Variants in CTNNA3 observed in about 807,000 individuals in gnomAD.
CTNNA3 encodes the protein catenin alpha 3, also known as catenin alpha-3.
Under a neutral mutation model 95.7 loss-of-function variants are expected in CTNNA3, and 76 were observed. The ratio of observed to expected loss-of-function variants is 0.79; its 90% CI spans 0.66 to 0.96. CTNNA3 has a LOEUF of 0.96. Ranked by LOEUF, CTNNA3 falls within the 40% of genes least tolerant of loss-of-function variation. The pLI, the probability that CTNNA3 is intolerant of heterozygous loss-of-function variation, is 0.00. For synonymous variants in CTNNA3, 431 were observed against 374.4 expected (o/e 1.15, Z -1.74); for missense variants, 1,191 against 1,089.8 (o/e 1.09, Z -1.31).
chr10:66,211,706 G>T (rs183111093), intron 13 of CTNNA3, among the ~76,000 whole-genome samples: 3 of 152,266 alleles, frequency 2.0e-5, no homozygotes, highest in African/African-American at 7.2e-5. Flanking sequence ...GCCCAAGAGG[G>T]CAACATGCCC....
chr10:67,179,819 CCTGT>C (rs1276224452), intron 7 of CTNNA3, among the ~76,000 whole-genome samples: 3 of 151,964 alleles, frequency 2.0e-5, no homozygotes, highest in Non-Finnish European at 4.4e-5. Flanking sequence ...AGATCAAGAC[CCTGT>C]CTATCTCCAT....
intron 9 of CTNNA3, among the ~76,000 whole-genome samples, chr10:66,737,600 C>T (rs924780262): frequency 6.6e-5 from 10 of 151,852 alleles, no homozygotes; most frequent in Admixed American, 2.0e-4. Flanking sequence ...TGTGAGACTC[C>T]ATATAAGTGA....
At chr10:66,593,124 C>G (rs1196675037) in intron 10 of CTNNA3, among the ~76,000 whole-genome samples, 1 of 152,004 alleles carries the variant, frequency 6.6e-6, no homozygotes, top group Non-Finnish European at 1.5e-5. Context: ...GGGCTTTGAC[C>G]ATTGCATCAG....
chr10:66,279,206 A>G (rs1208171222), intron 13 of CTNNA3, among the ~76,000 whole-genome samples: 1 of 151,970 alleles, frequency 6.6e-6, no homozygotes, highest in East Asian at 1.9e-4. Flanking sequence ...TTTTCTTTAC[A>G]AGGTCCACAA....
Position 67,654,290 on chromosome 10 carries a change from A to T in CTNNA3, c.-5-6772T>A, listed in dbSNP as rs182387482. ...TAGCAGCCTATTACATAGAATTGTA[A>T]CTTATACACATAGGCATATGGTGTG... On this transcript the variant is annotated intron_variant, in intron 1 of 17. Coordinates refer to ENST00000433211, the MANE Select transcript of CTNNA3 (RefSeq NM_013266.4). Among the ~76,000 whole-genome samples the T allele has an allele frequency of 2.8e-4, 43 of 152,238 alleles. No homozygotes were observed. In the East Asian group the frequency reaches 8.1e-3, roughly 29 times the overall value.
At chr10:66,452,467 A>T (rs7100634) in intron 11 of CTNNA3, among the ~76,000 whole-genome samples, 58,136 of 151,960 alleles carry the variant, frequency 0.38, 11,690 homozygotes, top group African/African-American at 0.5. Context: ...CTGCCCTTGC[A>T]CATTCCTGGG....
intron 11 of CTNNA3, among the ~76,000 whole-genome samples, chr10:66,380,286 T>A (rs1051091212): frequency 5.1e-4 from 78 of 152,028 alleles, no homozygotes; most frequent in Non-Finnish European, 2.2e-4. Flanking sequence ...CAGTTTTCTT[T>A]CAGAGTCACA....
intron 7 of CTNNA3, among the ~76,000 whole-genome samples, chr10:67,159,304 C>A (rs1212159841): frequency 6.6e-6 from 1 of 152,182 alleles, no homozygotes; most frequent in African/African-American, 2.4e-5. Flanking sequence ...GATTTTAAGG[C>A]AGTAGCTTGC....
chr10:66,534,728 T>C (rs1273250948), intron 10 of CTNNA3, among the ~76,000 whole-genome samples: 3 of 150,488 alleles, frequency 2.0e-5, no homozygotes, highest in Non-Finnish European at 4.4e-5. Context: ...TTTAATAAAT[T>C]ATAGTATTTA....
intron 7 of CTNNA3, among the ~76,000 whole-genome samples, chr10:66,793,476 A>G (rs950537545): frequency 2.0e-5 from 3 of 152,044 alleles, no homozygotes; most frequent in African/African-American, 7.2e-5. Flanking sequence ...CTGGCTTCCA[A>G]TATTTTTTTT....
intron 3 of CTNNA3, among the ~76,000 whole-genome samples, chr10:67,583,402 C>T (rs566758809): frequency 6.6e-6 from 1 of 152,212 alleles, no homozygotes; most frequent in Non-Finnish European, 1.5e-5. Context: ...TCTCTTCTGG[C>T]TTGTAGAGTT....
chr10:66,695,561 A>AT (rs1305681096), intron 9 of CTNNA3, among the ~76,000 whole-genome samples: 1 of 152,200 alleles, frequency 6.6e-6, no homozygotes, highest in East Asian at 1.9e-4. Flanking sequence ...ACACATAGAA[A>AT]TAGACACAGC....
chr10:67,430,751 A>G (rs1846082460), intron 5 of CTNNA3, among the ~76,000 whole-genome samples: 1 of 151,176 alleles, frequency 6.6e-6, no homozygotes. Context: ...AGATTAAAAT[A>G]CTGTATATGC....
At chr10:66,166,180 G>T (rs1017641364) in intron 13 of CTNNA3, among the ~76,000 whole-genome samples, 3 of 152,120 alleles carry the variant, frequency 2.0e-5, no homozygotes, top group Admixed American at 1.3e-4. Flanking sequence ...CAGAGGCCAA[G>T]TGTGATAGCT....
chr10:66,465,394 C>T (rs1175144784), intron 11 of CTNNA3, among the ~76,000 whole-genome samples: 1 of 152,118 alleles, frequency 6.6e-6, no homozygotes, highest in Non-Finnish European at 1.5e-5. Flanking sequence ...TGACAAAATA[C>T]ATTAGGTCTA....
chr10:66,835,867 C>A (rs746364885), intron 7 of CTNNA3, among the ~76,000 whole-genome samples: 2 of 152,008 alleles, frequency 1.3e-5, no homozygotes, highest in Non-Finnish European at 2.9e-5. Flanking sequence ...TGAGACCCAC[C>A]CCAAGAGGGT....
chr10:65,954,138 G>A (rs754691360), intron 17 of CTNNA3, among the ~76,000 whole-genome samples: 11 of 152,186 alleles, frequency 7.2e-5, no homozygotes, highest in South Asian at 2.1e-4. Context: ...GATCGTCAGT[G>A]ATGATGAATA....
intron 9 of CTNNA3, among the ~76,000 whole-genome samples, chr10:66,751,266 G>GA (rs200982186): frequency 4.0e-5 from 6 of 149,876 alleles, no homozygotes; most frequent in South Asian, 2.1e-4. Flanking sequence ...AGACTATCTT[G>GA]AAAAAAAAAA....
intron 2 of CTNNA3, among the ~76,000 whole-genome samples, chr10:67,614,157 T>C (rs767921377): frequency 4.6e-5 from 7 of 152,180 alleles, no homozygotes; most frequent in Non-Finnish European, 8.8e-5. Flanking sequence ...GAGTGCTGAT[T>C]GGTCCATTTT....
Sources: gnomAD v4.1 joint callset for allele counts (sites outside exome capture counted in the v4.1 genomes callset) on GRCh38, gnomAD v4.1.1 for gene constraint, MANE v1.5 for transcripts, NCBI Gene and HGNC (gene_info 2026-07-23, HGNC 2026-07-21) for gene names.